IMPG1: variants seen among roughly 807,000 people sequenced by gnomAD.
IMPG1 encodes interphotoreceptor matrix proteoglycan of 150 kDa.
IMPG1 carries 85 observed loss-of-function variants against 92.0 expected under a neutral mutation model. The ratio of observed to expected loss-of-function variants is 0.92; its 90% CI spans 0.78 to 1.11. IMPG1 has a LOEUF of 1.11. Ranked by LOEUF, IMPG1 falls within the 50% of genes least tolerant of loss-of-function variation. The pLI is 0.00. For synonymous variants in IMPG1, 367 were observed against 334.1 expected, an observed-to-expected ratio of 1.10 and a Z score of -1.08; for missense variants, 1,022 against 956.0, an observed-to-expected ratio of 1.07 and a Z score of -0.91.
intron 1 of IMPG1, among the ~76,000 whole-genome samples, chr6:76,066,541 A>G (rs1464516097): frequency 6.6e-6 from 1 of 152,040 alleles, no homozygotes; most frequent in Non-Finnish European, 1.5e-5. Context: ...TGCACTCAAA[A>G]CCAGATTCAT....
chr6:75,950,978 T>G lies in IMPG1; in HGVS notation c.1408A>C (p.Thr470Pro), dbSNP rs1249281522. The G allele has an allele frequency of 6.2e-7, 1 of 1,613,926 alleles. No homozygotes were observed. Among genetic ancestry groups the G allele is most frequent in the South Asian group, 1.1e-5 (1 of 91,084 alleles). ...TDQGTTDTMA[T>P]DQTMLVPGLT... The stretch of plus-strand genomic sequence containing the variant: ...CCTGGTACTAGCATTGTCTGGTCAG[T>G]GGCCATTGTATCTGTGGTGCCTTGA... The change falls in exon 13 of 17, where the codon ACT (threonine) becomes CCT (proline). Residue 470 changes from threonine (T) to proline (P), a missense_variant. By Grantham distance (38) the Thr-to-Pro change is conservative. Around this residue, in one of 3 missense-constraint regions of IMPG1, gnomAD observed 681 missense variants for 583.6 expected, o/e 1.17. Transcript: ENST00000369950.
chr6:75,942,580 C>T (rs548811976), intron 14 of IMPG1, among the ~76,000 whole-genome samples: 6 of 152,102 alleles, frequency 3.9e-5, no homozygotes, highest in South Asian at 2.1e-4. Flanking sequence ...ATCTTCACTC[C>T]GGATCCAGGG....
At chr6:75,926,472 A>T (rs997348370) in intron 15 of IMPG1, among the ~76,000 whole-genome samples, 1 of 152,202 alleles carries the variant, frequency 6.6e-6, no homozygotes, top group Non-Finnish European at 1.5e-5. Context: ...TACAACAAGC[A>T]CTTTGATATG....
intron 10 of IMPG1, among the ~76,000 whole-genome samples, chr6:76,004,575 C>G (rs1268155826): frequency 6.6e-6 from 1 of 152,168 alleles, no homozygotes; most frequent in Non-Finnish European, 1.5e-5. Context: ...ACTAAAATGG[C>G]ATTTCCAGTG....
At chr6:76,006,446 A>G (rs1284275542) in intron 9 of IMPG1, among the ~76,000 whole-genome samples, 1 of 136,190 alleles carries the variant, frequency 7.3e-6, no homozygotes, top group Non-Finnish European at 1.6e-5. Flanking sequence ...ATACCCATAT[A>G]TGGGTATGTG....
intron 1 of IMPG1, among the ~76,000 whole-genome samples, chr6:76,071,512 C>T (rs1034946759): frequency 1.3e-5 from 2 of 151,704 alleles, no homozygotes; most frequent in Admixed American, 6.6e-5. Context: ...TTTCTCCCTC[C>T]AAATGCAATC....
chr6:76,035,063 G>A (rs949070415), intron 2 of IMPG1, among the ~76,000 whole-genome samples: 6 of 151,954 alleles, frequency 3.9e-5, no homozygotes, highest in African/African-American at 1.2e-4. Flanking sequence ...GAGTGGTTGA[G>A]GAAGACCTCA....
intron 2 of IMPG1, among the ~76,000 whole-genome samples, chr6:76,037,081 T>C (rs912752377): frequency 3.3e-5 from 5 of 152,166 alleles, no homozygotes; most frequent in Non-Finnish European, 5.9e-5. Flanking sequence ...GCTGACACCA[T>C]CTGACTTACT....
At chr6:76,038,549 CA>C (rs897362737) in intron 2 of IMPG1, among the ~76,000 whole-genome samples, 2 of 152,138 alleles carry the variant, frequency 1.3e-5, no homozygotes, top group Admixed American at 1.3e-4. Context: ...GGGGAAGTAT[CA>C]AAAAAACCCT....
intron 1 of IMPG1, among the ~76,000 whole-genome samples, chr6:76,059,909 A>G (rs912282066): frequency 2.6e-5 from 4 of 152,202 alleles, no homozygotes; most frequent in Non-Finnish European, 5.9e-5. Flanking sequence ...TCATAGTTCA[A>G]CTTAATTAAA....
In IMPG1 at chr6:75,950,767, A is replaced by G; in HGVS notation, c.1619T>C (p.Val540Ala). 2 of 1,613,966 alleles carry G rather than the reference A, an allele frequency of 1.2e-6. No individual in the cohort carries two copies. Among genetic ancestry groups the G allele is most frequent in the Non-Finnish European group, 1.7e-6 (2 of 1,179,892 alleles). The change falls in exon 13 of 17, where the codon GTT becomes GCT. Residue 540 changes from valine (V) to alanine (A), a missense_variant. Val to Ala is a moderately conservative substitution (Grantham distance 64). This residue lies in a region of IMPG1 where 332 missense variants were observed against 346.2 expected (regional missense o/e 0.96). Transcript: ENST00000369950. ...CTCCAAGAAATGATCTGGGACAGAA[A>G]CATATTCGCTGAGCTCTGGTACCTC... is the stretch of plus-strand genomic sequence containing the variant. Reference protein sequence around the residue: ...PSEVPELSEYVSVPDHFLEDT... With the variant: ...PSEVPELSEYASVPDHFLEDT...
intron 12 of IMPG1, among the ~76,000 whole-genome samples, chr6:75,959,885 G>C (rs1051823485): frequency 3.3e-5 from 5 of 152,058 alleles, no homozygotes; most frequent in African/African-American, 9.7e-5. Flanking sequence ...GTTCCCTCTC[G>C]CTGGCGTTCC....
chr6:75,946,267 G>A (rs964966981), intron 14 of IMPG1, among the ~76,000 whole-genome samples: 5 of 152,156 alleles, frequency 3.3e-5, no homozygotes, highest in African/African-American at 4.8e-5. Context: ...ACTAAGGTAC[G>A]GAGGCAATTT....
At chr6:75,930,167 C>T (rs1313763627) in intron 15 of IMPG1, among the ~76,000 whole-genome samples, 2 of 152,144 alleles carry the variant, frequency 1.3e-5, no homozygotes, top group East Asian at 3.8e-4. Flanking sequence ...TTTCCTCCTT[C>T]TCAAAAGCTT....
intron 14 of IMPG1, among the ~76,000 whole-genome samples, chr6:75,944,018 T>A (rs773095441): frequency 6.6e-6 from 1 of 152,248 alleles, no homozygotes; most frequent in Non-Finnish European, 1.5e-5. Flanking sequence ...TTTTCATGCA[T>A]TAGCATGTTA....
intron 12 of IMPG1, among the ~76,000 whole-genome samples, chr6:75,991,893 C>T (rs1034489860): frequency 3.9e-5 from 6 of 152,068 alleles, no homozygotes; most frequent in African/African-American, 9.7e-5. Context: ...TGTTTTTTTC[C>T]GACTGTGCTG....
intron 1 of IMPG1, among the ~76,000 whole-genome samples, chr6:76,060,405 T>G (rs1315483213): frequency 6.6e-6 from 1 of 152,172 alleles, no homozygotes; most frequent in Non-Finnish European, 1.5e-5. Context: ...CTGCTGCTAG[T>G]TCAGAGCTTG....
intron 12 of IMPG1, among the ~76,000 whole-genome samples, 193 bp downstream of exon 12, chr6:76,002,725 A>AC (rs1783016678): frequency 1.3e-5 from 2 of 152,232 alleles, no homozygotes; most frequent in African/African-American, 4.8e-5. Flanking sequence ...GAGCTGAAGG[A>AC]AGGATGCTGT....
intron 1 of IMPG1, among the ~76,000 whole-genome samples, chr6:76,059,462 G>A (rs1784169688): frequency 6.6e-6 from 1 of 151,792 alleles, no homozygotes; most frequent in Non-Finnish European, 1.5e-5. Flanking sequence ...CTAGCACAGA[G>A]CTGAAGGATC....
Sources: allele counts gnomAD v4.1 joint callset (sites outside exome capture counted in the v4.1 genomes callset), GRCh38; gene constraint gnomAD v4.1.1; regional missense constraint gnomAD v4.1.1; transcripts MANE v1.5; gene names NCBI Gene and HGNC (gene_info 2026-07-23, HGNC 2026-07-21).